The following DUSP29 variants were observed in gnomAD, a reference collection of about 807,000 sequenced individuals.
DUSP29 encodes atypical dual-specific protein phosphatase.
Under a neutral mutation model 13.5 loss-of-function variants are expected in DUSP29, and 12 were observed. The ratio of observed to expected loss-of-function variants is 0.89; its 90% CI spans 0.57 to 1.44. The LOEUF (loss-of-function observed/expected upper bound fraction) is 1.44, where lower values mean the gene tolerates loss of function less well. Among genes scored for constraint, DUSP29 ranks in the 40% most tolerant of loss-of-function variants. The pLI, the probability that DUSP29 is intolerant of heterozygous loss-of-function variation, is 0.00. For missense variants in DUSP29, 308 were observed against 301.1 expected (o/e 1.02, Z -0.17); for synonymous variants, 134 against 128.7 (o/e 1.04, Z -0.28).
chr10:75,042,391 A>G (rs1292476975), intron 3 of DUSP29, among the ~76,000 whole-genome samples: 2 of 152,226 alleles, frequency 1.3e-5, no homozygotes, highest in African/African-American at 2.4e-5. Flanking sequence ...TGTTTTTTTC[A>G]TGTCAAATGT....
rs141019037 is a variant in DUSP29 at position 75,042,104 on chromosome 10, G to A, written c.421+1693C>T. On this transcript the variant is annotated intron_variant, in intron 3 of 3. Transcript: ENST00000338487. ...TGACCACGCTTTATCAAATACATCC[G>A]AGAGCCTGCTGTCCACCAGGTTCTA... Among the ~76,000 whole-genome samples the A allele has an allele frequency of 9.5e-4, 144 of 152,264 alleles. 1 individual carries two copies. Among genetic ancestry groups the A allele is most frequent in the African/African-American group, 3.2e-3 (133 of 41,546 alleles).
intron 3 of DUSP29, among the ~76,000 whole-genome samples, chr10:75,038,327 C>T (rs1846511200): frequency 6.6e-6 from 1 of 152,178 alleles, no homozygotes; most frequent in Admixed American, 6.5e-5. Context: ...GGCTGCTGAG[C>T]TCCTACAGTG....
At chr10:75,047,383 C>T (rs1235329425) in intron 2 of DUSP29, among the ~76,000 whole-genome samples, 1 of 152,310 alleles carries the variant, frequency 6.6e-6, no homozygotes, top group South Asian at 2.1e-4. Flanking sequence ...CCAGATGGGA[C>T]AGATGCCCAG....
chr10:75,041,133 A>G (rs1846572963), intron 3 of DUSP29, among the ~76,000 whole-genome samples: 1 of 152,148 alleles, frequency 6.6e-6, no homozygotes, highest in Non-Finnish European at 1.5e-5. Flanking sequence ...TAGGTCCAGC[A>G]CTAAAATGCC....
At chr10:75,067,320 A>C (rs1295874087) in intron 1 of DUSP29, among the ~76,000 whole-genome samples, 1 of 152,160 alleles carries the variant, frequency 6.6e-6, no homozygotes, top group East Asian at 1.9e-4. Flanking sequence ...GGCTGGTGCA[A>C]GTGCAGGGTT....
Position 75,058,433 on chromosome 10 carries a change from C to T in DUSP29, c.82G>A (p.Gly28Arg). Residue 28 changes from glycine to arginine, a missense_variant, in exon 2 of 4, where the codon GGG becomes AGG. Gly to Arg is a moderately radical substitution (Grantham distance 125). Coordinates refer to ENST00000338487, the MANE Select transcript of DUSP29 (RefSeq NM_001003892.3). Reference protein sequence around the residue: ...KRLSPKMEEEGEEEDYCTPGA... With the variant: ...KRLSPKMEEEREEEDYCTPGA... Reference sequence around the variant, plus strand: ...GGGGTGCAGTAGTCCTCCTCCTCCCCTTCCTCCTCCATCTTCGGCGACAGC... The same window carrying T: ...GGGGTGCAGTAGTCCTCCTCCTCCCTTTCCTCCTCCATCTTCGGCGACAGC... 2 of 1,614,258 alleles carry T rather than the reference C, an allele frequency of 1.2e-6. No individual in the cohort carries two copies. Among genetic ancestry groups the T allele is most frequent in the South Asian group, 1.1e-5 (1 of 91,092 alleles).
chr10:75,065,095 C>T lies in DUSP29; in HGVS notation c.-34-6547G>A, dbSNP rs563403988. On this transcript the variant is annotated intron_variant, in intron 1 of 3. Coordinates refer to ENST00000338487, the MANE Select transcript of DUSP29 (RefSeq NM_001003892.3). Reference sequence around the variant, plus strand: ...GACCCTCAGATCTACATGTTCCATCCTCCCTGAGCTCCAGTGCCTTCTTTG... The same window carrying T: ...GACCCTCAGATCTACATGTTCCATCTTCCCTGAGCTCCAGTGCCTTCTTTG... Among the ~76,000 whole-genome samples the T allele has an allele frequency of 2.3e-4, 35 of 152,278 alleles. No homozygotes were observed. The South Asian group carries it at 6.8e-3, about 30-fold the overall frequency.
chr10:75,069,856 A>G (rs1272659211), intron 1 of DUSP29, among the ~76,000 whole-genome samples: 3 of 149,948 alleles, frequency 2.0e-5, no homozygotes, highest in Non-Finnish European at 4.4e-5. Flanking sequence ...AGTCTGGCCA[A>G]CATGGTGAAA....
chr10:75,044,083 G>T, intron 2 of DUSP29, 66 bp from the exon 3 acceptor site: 1 of 1,456,528 alleles, frequency 6.9e-7, no homozygotes, highest in Non-Finnish European at 9.3e-7. Context: ...AAACTCAGGG[G>T]CCACCCACGC....
At chr10:75,060,290 C>T (rs1057230384) in intron 1 of DUSP29, among the ~76,000 whole-genome samples, 12 of 151,898 alleles carry the variant, frequency 7.9e-5, no homozygotes, top group Non-Finnish European at 1.5e-4. Context: ...AGCAACATGA[C>T]AAAACCCATC....
chr10:75,057,270 G>T (rs1363144903), intron 2 of DUSP29, among the ~76,000 whole-genome samples: 1 of 151,684 alleles, frequency 6.6e-6, no homozygotes, highest in Non-Finnish European at 1.5e-5. Flanking sequence ...GACAGGGTGA[G>T]ACTGTCTCGA....
chr10:75,043,761 G>C (rs1465264634), intron 3 of DUSP29, 36 bp downstream of exon 3: 1 of 1,564,596 alleles, frequency 6.4e-7, no homozygotes, highest in East Asian at 2.3e-5. Flanking sequence ...GCGGGGCGGG[G>C]CGGGGCCGAT....
chr10:75,062,614 T>C (rs1847115438), intron 1 of DUSP29, among the ~76,000 whole-genome samples: 1 of 152,086 alleles, frequency 6.6e-6, no homozygotes, highest in Admixed American at 6.6e-5. Context: ...TGTGGAACCG[T>C]CCAGAAACCA....
intron 2 of DUSP29, among the ~76,000 whole-genome samples, chr10:75,053,688 C>G (rs572918492): frequency 6.6e-6 from 1 of 152,088 alleles, no homozygotes; most frequent in South Asian, 2.1e-4. Context: ...ACCTGACTGA[C>G]CATGTTTTTT....
At chr10:75,059,288 G>A (rs868342033) in intron 1 of DUSP29, among the ~76,000 whole-genome samples, 2 of 152,164 alleles carry the variant, frequency 1.3e-5, no homozygotes, top group African/African-American at 4.8e-5. Flanking sequence ...AGTGGAATGT[G>A]GGAGAGGACT....
At chr10:75,069,782 C>G (rs1333241490) in intron 1 of DUSP29, among the ~76,000 whole-genome samples, 1 of 152,014 alleles carries the variant, frequency 6.6e-6, no homozygotes, top group African/African-American at 2.4e-5. Context: ...TGGTTCACAC[C>G]TGTAATCCCA....
At chr10:75,061,022 T>C (rs542905056) in intron 1 of DUSP29, among the ~76,000 whole-genome samples, 1 of 152,236 alleles carries the variant, frequency 6.6e-6, no homozygotes, top group Non-Finnish European at 1.5e-5. Context: ...GGCTGGATGA[T>C]GGTTATAAGG....
chr10:75,038,085 T>A lies in DUSP29; in HGVS notation c.422-8A>T, dbSNP rs1391054522. 1 of 1,610,680 alleles carries A rather than the reference T, an allele frequency of 6.2e-7. No individual in the cohort carries two copies. Among genetic ancestry groups the A allele is most frequent in the Non-Finnish European group, 8.5e-7 (1 of 1,178,148 alleles). ...AGTGAACCAGGATCTTACCTGCAGA[T>A]GGAGCAGGGAGGAGAAAACCCACAC... On this transcript the variant is annotated splice_polypyrimidine_tract_variant and splice_region_variant and intron_variant, in intron 3 of 3. Coordinates refer to ENST00000338487, the MANE Select transcript of DUSP29 (RefSeq NM_001003892.3).
At chr10:75,051,452 A>G (rs1288037048) in intron 2 of DUSP29, among the ~76,000 whole-genome samples, 1 of 152,222 alleles carries the variant, frequency 6.6e-6, no homozygotes, top group African/African-American at 2.4e-5. Context: ...CAGTCCAGAC[A>G]CTGTGGACCC....
Sources: gnomAD v4.1 joint callset for allele counts (sites outside exome capture counted in the v4.1 genomes callset) on GRCh38, gnomAD v4.1.1 for gene constraint, MANE v1.5 for transcripts, NCBI Gene and HGNC (gene_info 2026-07-23, HGNC 2026-07-21) for gene names.